The following CDKL1 variants were observed in gnomAD, a reference collection of about 807,000 sequenced individuals.
CDKL1 encodes the protein cyclin dependent kinase like 1, also known as cyclin-dependent kinase-like 1.
Under a neutral mutation model 42.0 loss-of-function variants are expected in CDKL1, and 41 were observed. The observed-to-expected ratio is 0.98, with a 90% confidence interval of 0.76 to 1.27. The LOEUF is 1.27. CDKL1 is among the 50% of genes most tolerant of loss of function. The pLI is 0.00. For missense variants in CDKL1, 394 were observed against 428.4 expected, an observed-to-expected ratio of 0.92 and a Z score of 0.71; for synonymous variants, 153 against 158.6, an observed-to-expected ratio of 0.96 and a Z score of 0.26.
chr14:50,368,718 G>T (rs746333893), intron 2 of CDKL1, among the ~76,000 whole-genome samples: 2 of 151,990 alleles, frequency 1.3e-5, no homozygotes, highest in Non-Finnish European at 2.9e-5. Context: ...CGTATCCTAC[G>T]TGGGCAGCTG....
At chr14:50,382,035 T>G (rs1310187438) in intron 2 of CDKL1, among the ~76,000 whole-genome samples, 6 of 152,234 alleles carry the variant, frequency 3.9e-5, no homozygotes, top group African/African-American at 1.4e-4. Flanking sequence ...AAGAGTGTTT[T>G]CACTAGAGGG....
At chr14:50,340,941 G>T in intron 6 of CDKL1, 91 bp downstream of exon 6, 3 of 1,364,918 alleles carry the variant, frequency 2.2e-6, no homozygotes, top group Non-Finnish European at 3.0e-6. Flanking sequence ...GCCTTAAAGG[G>T]CATTAGGTGA....
intron 2 of CDKL1, among the ~76,000 whole-genome samples, chr14:50,375,192 A>C (rs1223068713): frequency 6.6e-6 from 1 of 152,218 alleles, no homozygotes; most frequent in African/African-American, 2.4e-5. Context: ...GAAAATAATA[A>C]AGTGTTAAAA....
intron 9 of CDKL1, chr14:50,330,494 G>A: frequency 7.3e-6 from 2 of 274,594 alleles, no homozygotes; most frequent in Non-Finnish European, 1.4e-5. Flanking sequence ...GAGATCTTAG[G>A]GATCATTTAA....
intron 2 of CDKL1, chr14:50,362,059 T>C (rs2034268374): frequency 8.9e-6 from 2 of 223,656 alleles, no homozygotes; most frequent in Non-Finnish European, 1.8e-5. Flanking sequence ...GTGAGGGGCT[T>C]AGCACCTGGG....
rs1013887311 is a variant in CDKL1 at position 50,341,110 on chromosome 14, C to G, written c.577G>C (p.Ala193Pro). 3.1e-6 allele frequency: 5 copies of G among 1,614,086 alleles called. No homozygotes were observed. The highest frequency in any genetic ancestry group is 3.4e-6 in the Non-Finnish European group (4 of 1,180,040). The change falls in exon 6 of 10, where the codon GCT becomes CCT. Residue 193 changes from alanine to proline, a missense_variant. By Grantham distance (27) the Ala-to-Pro change is conservative. Transcript: ENST00000395834. ...VDVWAIGCVF[A>P]ELLSGVPLWP... ...AGAGGCACTCCTGACAGCAGCTCAGCAAAGACACAGCCAATTGCCCAAACA... is the reference window on the plus strand; with the variant it reads ...AGAGGCACTCCTGACAGCAGCTCAGGAAAGACACAGCCAATTGCCCAAACA...
chr14:50,363,093 C>A, intron 2 of CDKL1: 1 of 328,092 alleles, frequency 3.0e-6, no homozygotes, highest in Non-Finnish European at 7.0e-6. Flanking sequence ...ACACTCACTG[C>A]GAAGGTCTGC....
At chr14:50,362,487 G>A in intron 2 of CDKL1, 1 of 194,612 alleles carries the variant, frequency 5.1e-6, no homozygotes, top group Non-Finnish European at 1.1e-5. Flanking sequence ...CTCAGGGTTT[G>A]TGAATGCACC....
rs1236818459 is a variant in CDKL1 at position 50,327,561 on chromosome 14, G to C, written c.*2513C>G. On this transcript the variant is annotated 3_prime_UTR_variant, in exon 10 of 10. Transcript: ENST00000395834. ...GTTCACTGCAACCTCTGCCTCCCGG[G>C]TTCAAGCAGTTCTCTGTCGCAGCGT... is the stretch of plus-strand genomic sequence containing the variant. 1 of 146,794 alleles carries C rather than the reference G, an allele frequency of 6.8e-6. No homozygotes were observed. The highest frequency in any genetic ancestry group is 2.1e-4 in the East Asian group (1 of 4,802). The allele number at this position is 146,794 out of a possible 1,614,324, so 9.1% of individuals were successfully genotyped here.
Position 50,343,661 on chromosome 14 carries a change from A to G in CDKL1, c.363+1325T>C, listed in dbSNP as rs11570828. ...TTTCTGCACCCACCCCCATCAGCAC[A>G]TGGAGCCAAACAGGGTGTCTGGGGC... is the stretch of plus-strand genomic sequence containing the variant. On this transcript the variant is annotated intron_variant, in intron 4 of 9. Coordinates refer to ENST00000395834, the MANE Select transcript of CDKL1 (RefSeq NM_004196.7). Among the ~76,000 whole-genome samples the G allele has an allele frequency of 8.5e-3, 1,294 of 152,258 alleles. 22 individuals carry two copies. Among genetic ancestry groups the G allele is most frequent in the African/African-American group, 0.03 (1,229 of 41,556 alleles).
chr14:50,391,244 A>C (rs1281130144), intron 2 of CDKL1, among the ~76,000 whole-genome samples: 3 of 152,158 alleles, frequency 2.0e-5, no homozygotes, highest in Non-Finnish European at 4.4e-5. Context: ...AGTATGTTTA[A>C]ACCTGAGTTA....
At chr14:50,341,956 G>C (rs2033558210) in intron 5 of CDKL1, among the ~76,000 whole-genome samples, 176 bp downstream of exon 5, 1 of 151,974 alleles carries the variant, frequency 6.6e-6, no homozygotes, top group African/African-American at 2.4e-5. Flanking sequence ...AGCATACATA[G>C]GTAAACCATT....
At chr14:50,379,943 CT>C (rs1294225493) in intron 2 of CDKL1, among the ~76,000 whole-genome samples, 1 of 152,212 alleles carries the variant, frequency 6.6e-6, no homozygotes, top group Non-Finnish European at 1.5e-5. Flanking sequence ...AAGGTCTGAG[CT>C]GGCACTGATA....
At chr14:50,365,924 TG>T (rs1353233899) in intron 2 of CDKL1, among the ~76,000 whole-genome samples, 1 of 152,244 alleles carries the variant, frequency 6.6e-6, no homozygotes, top group African/African-American at 2.4e-5. Context: ...TTTGGACTCT[TG>T]GACTTACACA....
intron 4 of CDKL1, chr14:50,342,480 G>A: frequency 8.5e-7 from 1 of 1,175,640 alleles, no homozygotes; most frequent in Non-Finnish European, 1.1e-6. Flanking sequence ...TCTTAGCAGA[G>A]AAAAATACAG....
intron 2 of CDKL1, among the ~76,000 whole-genome samples, chr14:50,379,272 G>A (rs1325508639): frequency 6.6e-6 from 1 of 152,146 alleles, no homozygotes; most frequent in Non-Finnish European, 1.5e-5. Flanking sequence ...ACTCAAGGAG[G>A]GGGAAATATT....
rs1282615834 is a variant in CDKL1, at chr14:50,364,339, C to T, written c.169-5190G>A. 2.6e-5 allele frequency among the ~76,000 whole-genome samples: 4 copies of T among 152,096 alleles called. No individual in the cohort carries two copies. The East Asian group carries it at 5.8e-4, about 22-fold the overall frequency. On this transcript the variant is annotated intron_variant, in intron 2 of 9. Transcript: ENST00000395834. Reference sequence around the variant, plus strand: ...CAAAAATTAGCTGGGCGTGGCGGCACGCACCTGTAATCCCAGCTACTCGGG... The same window carrying T: ...CAAAAATTAGCTGGGCGTGGCGGCATGCACCTGTAATCCCAGCTACTCGGG...
intron 3 of CDKL1, among the ~76,000 whole-genome samples, chr14:50,355,913 G>A (rs2034041351): frequency 6.6e-6 from 1 of 152,210 alleles, no homozygotes; most frequent in Admixed American, 6.5e-5. Flanking sequence ...GGTGGGGAGT[G>A]GGGTGGTAGA....
At position 50,327,978 on chromosome 14, in the gene CDKL1, G is replaced by A. The variant is rs537241531; in HGVS notation, c.*2096C>T. The A allele has an allele frequency of 1.3e-5, 2 of 152,106 alleles. No individual in the cohort carries two copies. Among genetic ancestry groups the A allele is most frequent in the East Asian group, 1.9e-4 (1 of 5,180 alleles). 9.4% of individuals were successfully genotyped at this position (152,106 alleles called of 1,614,324 possible). On this transcript the variant is annotated 3_prime_UTR_variant, in exon 10 of 10. Coordinates refer to ENST00000395834, the MANE Select transcript of CDKL1 (RefSeq NM_004196.7). Reference sequence around the variant, plus strand: ...TGTGATACAGTGGAGATTTCATACCGAATAAAAGCATTATAAATATGGTTA... The same window carrying A: ...TGTGATACAGTGGAGATTTCATACCAAATAAAAGCATTATAAATATGGTTA...
Sources: gnomAD v4.1 joint callset for allele counts (sites outside exome capture counted in the v4.1 genomes callset) on GRCh38, gnomAD v4.1.1 for gene constraint, MANE v1.5 for transcripts, NCBI Gene and HGNC (gene_info 2026-07-23, HGNC 2026-07-21) for gene names.